Variants in SPIN1 observed in about 807,000 individuals in gnomAD.
The protein encoded by SPIN1 is spindlin-1.
In SPIN1, 3 loss-of-function variants were observed where a neutral mutation model predicts 26.0. That is an observed-to-expected ratio of 0.12 (90% CI 0.05 to 0.30). SPIN1 has a LOEUF of 0.30. SPIN1 is among the 10% of genes least tolerant of loss of function. SPIN1 has a pLI of 1.00. For missense variants in SPIN1, 126 were observed against 333.4 expected (o/e 0.38, Z 4.84); for synonymous variants, 101 against 116.5 (o/e 0.87, Z 0.86).
chr9:88,400,906 G>A (rs931577381), intron 1 of SPIN1, among the ~76,000 whole-genome samples: 8 of 151,958 alleles, frequency 5.3e-5, no homozygotes, highest in Admixed American at 4.6e-4. Flanking sequence ...TTAGTTACTC[G>A]GGAGGCTGAG....
At chr9:88,416,446 C>A (rs1391263864) in intron 1 of SPIN1, among the ~76,000 whole-genome samples, 1 of 152,130 alleles carries the variant, frequency 6.6e-6, no homozygotes, top group Non-Finnish European at 1.5e-5. Flanking sequence ...CCACCTCAGC[C>A]TCCTGAACTG....
chr9:88,468,366 C>A lies in SPIN1; in HGVS notation c.356-6C>A, dbSNP rs749182711. 14 of 1,497,340 alleles carry A rather than the reference C, an allele frequency of 9.3e-6. No homozygotes were observed. The highest frequency in any genetic ancestry group is 1.4e-5 in the African/African-American group (1 of 69,830). The allele number at this position is 1,497,340 out of a possible 1,614,324, so 92.8% of individuals were successfully genotyped here. A position where few individuals can be genotyped will look rare whatever the true frequency, so the allele number is the denominator to read the frequency against. ...TCAACTTTTTTTTTTTTTTTTTAAT[C>A]CCCAGCGACATCTCGAATCAGCGAT... is the stretch of plus-strand genomic sequence containing the variant. On this transcript the variant is annotated splice_polypyrimidine_tract_variant and splice_region_variant and intron_variant, in intron 4 of 5. Coordinates refer to ENST00000375859, the MANE Select transcript of SPIN1 (RefSeq NM_006717.3).
chr9:88,400,865 T>C (rs970827758), intron 1 of SPIN1, among the ~76,000 whole-genome samples: 1 of 148,148 alleles, frequency 6.8e-6, no homozygotes, highest in African/African-American at 2.5e-5. Flanking sequence ...AAAAAAAAAT[T>C]AGCCGGGTGT....
chr9:88,440,943 G>A (rs1044423299), intron 2 of SPIN1, among the ~76,000 whole-genome samples: 3 of 147,774 alleles, frequency 2.0e-5, no homozygotes, highest in South Asian at 4.3e-4. Flanking sequence ...AACAAAAAAC[G>A]CCCCCTCCCC....
chr9:88,418,869 G>A (rs1433548769), intron 1 of SPIN1: 1 of 152,144 alleles, frequency 6.6e-6, no homozygotes, highest in African/African-American at 2.4e-5. Flanking sequence ...TTCCAAGATG[G>A]AATAGTTATA....
chr9:88,443,639 C>T lies in SPIN1; in HGVS notation c.53-5302C>T, dbSNP rs185296895. On this transcript the variant is annotated intron_variant, in intron 2 of 5. Coordinates refer to ENST00000375859, the MANE Select transcript of SPIN1 (RefSeq NM_006717.3). Reference sequence around the variant, plus strand: ...AAGCCTGTGATTTCTTGTTGAAAGGCGCAGATGATGTCTGGGTAACAGGAG... The same window carrying T: ...AAGCCTGTGATTTCTTGTTGAAAGGTGCAGATGATGTCTGGGTAACAGGAG... Among the ~76,000 whole-genome samples, 343 of 152,252 alleles carry T rather than the reference C, an allele frequency of 2.3e-3. 1 individual carries two copies. The highest frequency in any genetic ancestry group is 7.5e-3 in the African/African-American group (311 of 41,538).
At chr9:88,435,653 A>G (rs1489950447) in intron 2 of SPIN1, among the ~76,000 whole-genome samples, 7 of 151,896 alleles carry the variant, frequency 4.6e-5, no homozygotes, top group South Asian at 2.1e-4. Flanking sequence ...TATTACATCT[A>G]TTTTTCTTTA....
At chr9:88,452,309 A>G (rs1014697383) in intron 3 of SPIN1, among the ~76,000 whole-genome samples, 1 of 152,234 alleles carries the variant, frequency 6.6e-6, no homozygotes, top group Non-Finnish European at 1.5e-5. Context: ...TGATTGAGCT[A>G]GGACTCAAAT....
intron 3 of SPIN1, among the ~76,000 whole-genome samples, chr9:88,451,054 T>G (rs951500375): frequency 6.6e-6 from 1 of 151,590 alleles, no homozygotes; most frequent in Non-Finnish European, 1.5e-5. Context: ...AACAATGAGG[T>G]TTGCAGCTTT....
At chr9:88,434,503 A>C (rs1357062673) in intron 2 of SPIN1, among the ~76,000 whole-genome samples, 1 of 151,994 alleles carries the variant, frequency 6.6e-6, no homozygotes, top group African/African-American at 2.4e-5. Context: ...TTTCCACTGG[A>C]AAGTCAGTGA....
At position 88,478,496 on chromosome 9, in the gene SPIN1, T is replaced by C. The variant is rs965080505; in HGVS notation, c.*3219T>C. The C allele has an allele frequency of 1.3e-5, 2 of 152,652 alleles. No individual in the cohort carries two copies. The highest frequency in any genetic ancestry group is 2.4e-5 in the African/African-American group (1 of 41,464). 9.5% of individuals were successfully genotyped at this position (152,652 alleles called of 1,614,324 possible). A position where few individuals can be genotyped will look rare whatever the true frequency, so the allele number is the denominator to read the frequency against. ...GGTCTTCGTGTTCACATTTTAAAAT[T>C]AGGTAAATGACCTCATCTTTCAAGC... On this transcript the variant is annotated 3_prime_UTR_variant, in exon 6 of 6. Coordinates refer to ENST00000375859, the MANE Select transcript of SPIN1 (RefSeq NM_006717.3).
chr9:88,455,095 A>G (rs1236606982), intron 3 of SPIN1, among the ~76,000 whole-genome samples: 1 of 152,236 alleles, frequency 6.6e-6, no homozygotes, highest in Non-Finnish European at 1.5e-5. Flanking sequence ...TGCCATCCTT[A>G]AAATATGCAA....
At chr9:88,426,100 T>C (rs1248247603) in intron 1 of SPIN1, among the ~76,000 whole-genome samples, 1 of 152,180 alleles carries the variant, frequency 6.6e-6, no homozygotes, top group East Asian at 1.9e-4. Context: ...AATGGGGATG[T>C]CAGACAGCAG....
chr9:88,408,468 C>T (rs1430427489), intron 1 of SPIN1, among the ~76,000 whole-genome samples: 2 of 149,922 alleles, frequency 1.3e-5, no homozygotes, highest in Non-Finnish European at 1.5e-5. Context: ...ACCTCCGCCT[C>T]CTGGGTTTAA....
chr9:88,443,247 G>T (rs1343194840), intron 2 of SPIN1, among the ~76,000 whole-genome samples: 1 of 151,900 alleles, frequency 6.6e-6, no homozygotes, highest in Non-Finnish European at 1.5e-5. Flanking sequence ...ATAGTTCTTG[G>T]GTATTCCGGG....
intron 3 of SPIN1, among the ~76,000 whole-genome samples, chr9:88,453,927 A>G (rs1828415320): frequency 6.6e-6 from 1 of 152,228 alleles, no homozygotes; most frequent in African/African-American, 2.4e-5. Context: ...ATTGTTCACC[A>G]TATACTCAAA....
At chr9:88,410,829 A>T (rs1245434252) in intron 1 of SPIN1, 3 of 929,028 alleles carry the variant, frequency 3.2e-6, no homozygotes, top group Non-Finnish European at 5.3e-6. Context: ...CAGAGTTGTC[A>T]TTCCCACTGA....
chr9:88,472,892 G>C (rs1828816767), intron 5 of SPIN1, among the ~76,000 whole-genome samples: 1 of 152,202 alleles, frequency 6.6e-6, no homozygotes, highest in South Asian at 2.1e-4. Context: ...GGATAAGCTT[G>C]TTCCTTTAAA....
At chr9:88,471,429 C>A (rs566913035) in intron 5 of SPIN1, among the ~76,000 whole-genome samples, 1 of 151,986 alleles carries the variant, frequency 6.6e-6, no homozygotes, top group East Asian at 1.9e-4. Flanking sequence ...CTTTGGGAGG[C>A]CAAGGCGGGT....
Sources: gnomAD v4.1 joint callset for allele counts (sites outside exome capture counted in the v4.1 genomes callset) on GRCh38, gnomAD v4.1.1 for gene constraint, MANE v1.5 for transcripts, NCBI Gene and HGNC (gene_info 2026-07-23, HGNC 2026-07-21) for gene names.